Variants in PPM1A observed in about 807,000 individuals in gnomAD.
PPM1A encodes the protein protein phosphatase, Mg2+/Mn2+ dependent 1A, also known as protein phosphatase 1A.
In PPM1A, 7 loss-of-function variants were observed where a neutral mutation model predicts 35.0. That is an observed-to-expected ratio of 0.20 (90% CI 0.11 to 0.38). The LOEUF (loss-of-function observed/expected upper bound fraction) is 0.38, where lower values mean the gene tolerates loss of function less well. Ranked by LOEUF, PPM1A falls within the 10% of genes least tolerant of loss-of-function variation. The pLI is 1.00. For synonymous variants in PPM1A, 153 were observed against 167.3 expected, an observed-to-expected ratio of 0.91 and a Z score of 0.66; for missense variants, 239 against 467.8, an observed-to-expected ratio of 0.51 and a Z score of 4.51.
upstream of PPM1A, among the ~76,000 whole-genome samples, chr14:60,248,083 A>G (rs1256795813): frequency 5.3e-5 from 8 of 152,106 alleles, no homozygotes. Flanking sequence ...ACCCCAGCCA[A>G]TGGGAACCCG....
intron 1 of PPM1A, among the ~76,000 whole-genome samples, chr14:60,252,470 A>G (rs1384322151): frequency 6.6e-6 from 1 of 152,174 alleles, no homozygotes; most frequent in Non-Finnish European, 1.5e-5. Flanking sequence ...AGGGTTTTAT[A>G]AGAGTTAAGC....
intron 1 of PPM1A, among the ~76,000 whole-genome samples, chr14:60,278,988 C>T (rs1886077127): frequency 6.6e-6 from 1 of 152,136 alleles, no homozygotes; most frequent in African/African-American, 2.4e-5. Context: ...CAGCATGTTT[C>T]AGACTTTTTG....
intron 1 of PPM1A, among the ~76,000 whole-genome samples, chr14:60,258,303 A>T (rs1475658699): frequency 6.6e-6 from 1 of 152,160 alleles, no homozygotes; most frequent in East Asian, 1.9e-4. Context: ...AGCTCCCAGA[A>T]ATTCGTTTGT....
chr14:60,274,037 G>C (rs1361202988), intron 1 of PPM1A, among the ~76,000 whole-genome samples: 1 of 152,192 alleles, frequency 6.6e-6, no homozygotes, highest in Non-Finnish European at 1.5e-5. Context: ...GATATGTGAG[G>C]GTGCTCAGGG....
chr14:60,257,071 A>G (rs1226839691), intron 1 of PPM1A, among the ~76,000 whole-genome samples: 3 of 152,206 alleles, frequency 2.0e-5, no homozygotes, highest in Admixed American at 2.0e-4. Context: ...TTAATATTAA[A>G]AAAGCATAAG....
chr14:60,286,116 A>G (rs1043422520), intron 3 of PPM1A: 2 of 988,264 alleles, frequency 2.0e-6, no homozygotes, highest in Non-Finnish European at 2.4e-6. Context: ...TTTGAATACC[A>G]TCTTTCTATG....
chr14:60,255,961 G>A (rs577581165), intron 1 of PPM1A, among the ~76,000 whole-genome samples: 1 of 152,292 alleles, frequency 6.6e-6, no homozygotes, highest in East Asian at 1.9e-4. Flanking sequence ...AACCAGAGAG[G>A]AATTGTGGAA....
At chr14:60,290,781 C>CT (rs572670399) in intron 4 of PPM1A, among the ~76,000 whole-genome samples, 16 of 151,356 alleles carry the variant, frequency 1.1e-4, no homozygotes, top group Admixed American at 2.0e-4. Flanking sequence ...TTTTTGGAAA[C>CT]TTTTTTTTTC....
intron 1 of PPM1A, chr14:60,277,137 G>T: frequency 1.2e-6 from 1 of 808,180 alleles, no homozygotes; most frequent in South Asian, 2.3e-5. Flanking sequence ...AACTTTCATG[G>T]ACAAATTGAA....
chr14:60,270,406 G>A (rs1049370135), intron 1 of PPM1A, among the ~76,000 whole-genome samples: 2 of 151,928 alleles, frequency 1.3e-5, no homozygotes, highest in Non-Finnish European at 2.9e-5. Context: ...TCATGTTCTT[G>A]AGTACTTTTT....
Position 60,249,281 on chromosome 14 carries a change from G to A in PPM1A, c.-417G>A. ...CGGGAGCGCGCGCGGGAGCTAGAGA[G>A]CAGTGGTCTCGGCGCTCGTCCGGCC... On this transcript the variant is annotated 5_prime_UTR_variant, in exon 1 of 6. Transcript: ENST00000395076. The surrounding 1 kb of genome is among the most constrained non-coding windows in gnomAD (Gnocchi z 4.5). 1.0e-6 allele frequency: 1 copy of A among 984,894 alleles called. No homozygotes were observed. Among genetic ancestry groups the A allele is most frequent in the African/African-American group, 1.8e-5 (1 of 56,832 alleles). 61.0% of individuals were successfully genotyped at this position (984,894 alleles called of 1,614,324 possible).
intron 1 of PPM1A, among the ~76,000 whole-genome samples, chr14:60,274,773 A>G (rs1885556323): frequency 6.6e-6 from 1 of 151,126 alleles, no homozygotes; most frequent in Non-Finnish European, 1.5e-5. Context: ...CATTTCCATG[A>G]AACTATTTTC....
intron 1 of PPM1A, among the ~76,000 whole-genome samples, chr14:60,253,497 C>CAGT (rs1882687301): frequency 6.6e-6 from 1 of 152,024 alleles, no homozygotes; most frequent in East Asian, 1.9e-4. Context: ...GGATTTTTCC[C>CAGT]AATTAGATGA....
chr14:60,288,665 T>C, intron 3 of PPM1A: 2 of 516,582 alleles, frequency 3.9e-6, no homozygotes, highest in Non-Finnish European at 5.0e-6. Context: ...TTTGAACCAT[T>C]TAAAGAAATA....
chr14:60,249,306 C>T lies in PPM1A; in HGVS notation c.-392C>T, dbSNP rs1421213481. ...GCAGTGGTCTCGGCGCTCGTCCGGC[C>T]CGCAGCTTCGGGTCCTCAGGCGGCT... On this transcript the variant is annotated 5_prime_UTR_variant, in exon 1 of 6. Transcript: ENST00000395076. The surrounding 1 kb of genome is among the most constrained non-coding windows in gnomAD (Gnocchi z 4.5). 6.1e-6 allele frequency: 6 copies of T among 978,086 alleles called. No homozygotes were observed. The highest frequency in any genetic ancestry group is 7.2e-6 in the Non-Finnish European group (6 of 827,760). 60.6% of individuals were successfully genotyped at this position (978,086 alleles called of 1,614,324 possible). A position where few individuals can be genotyped will look rare whatever the true frequency, so the allele number is the denominator to read the frequency against.
In PPM1A at chr14:60,296,441, A is replaced by C; in HGVS notation, c.*3959A>C. 4.1e-6 allele frequency: 1 copy of C among 243,838 alleles called. No individual in the cohort carries two copies. 15.1% of individuals were successfully genotyped at this position (243,838 alleles called of 1,614,324 possible). ...AGAAAAGATGTGTAAATATCTTAGT[A>C]TATAATTGTTTCTCATTTGAGGTTT... On this transcript the variant is annotated 3_prime_UTR_variant, in exon 6 of 6. Coordinates refer to ENST00000395076, the MANE Select transcript of PPM1A (RefSeq NM_021003.5). This position sits in a 1 kb window ranked among gnomAD's most constrained non-coding sequence, Gnocchi z 4.4.
intron 4 of PPM1A, 71 bp from the exon 5 acceptor site, chr14:60,291,326 A>T: frequency 9.4e-7 from 1 of 1,060,464 alleles, no homozygotes; most frequent in Non-Finnish European, 1.4e-6. Flanking sequence ...TTTAATAAAC[A>T]CCTGGCTATG....
intron 1 of PPM1A, among the ~76,000 whole-genome samples, chr14:60,257,555 T>C (rs1168860636): frequency 2.6e-5 from 4 of 152,226 alleles, no homozygotes; most frequent in Non-Finnish European, 5.9e-5. Context: ...CATTCTTTTT[T>C]TAGTTATACT....
Position 60,292,584 on chromosome 14 carries a change from A to G in PPM1A, c.*102A>G. 12 of 997,488 alleles carry G rather than the reference A, an allele frequency of 1.2e-5. No homozygotes were observed. Among genetic ancestry groups the G allele is most frequent in the Non-Finnish European group, 1.7e-5 (11 of 649,846 alleles). The allele number at this position is 997,488 out of a possible 1,614,324, so 61.8% of individuals were successfully genotyped here. A position where few individuals can be genotyped will look rare whatever the true frequency, so the allele number is the denominator to read the frequency against. The stretch of plus-strand genomic sequence containing the variant: ...TCCATCCTCAACTTTAAGGAAGGGG[A>G]TATGACATGGGTGAGAATGATTACA... On this transcript the variant is annotated 3_prime_UTR_variant, in exon 6 of 6. Coordinates refer to ENST00000395076, the MANE Select transcript of PPM1A (RefSeq NM_021003.5). This position sits in a 1 kb window ranked among gnomAD's most constrained non-coding sequence, Gnocchi z 4.2.
Sources: allele counts gnomAD v4.1 joint callset (sites outside exome capture counted in the v4.1 genomes callset), GRCh38; gene constraint gnomAD v4.1.1; non-coding constraint Gnocchi (gnomAD v3.1); transcripts MANE v1.5; gene names NCBI Gene and HGNC (gene_info 2026-07-23, HGNC 2026-07-21).